Variants in EPB41L1 observed in about 807,000 individuals in gnomAD.
EPB41L1 encodes band 4.1-like protein 1.
In EPB41L1, 29 loss-of-function variants were observed where a neutral mutation model predicts 97.8. That is an observed-to-expected ratio of 0.30 (90% CI 0.22 to 0.40). The LOEUF is 0.40. EPB41L1 is among the 10% of genes least tolerant of loss of function. The pLI, the probability that EPB41L1 is intolerant of heterozygous loss-of-function variation, is 1.00. For missense variants in EPB41L1, 812 were observed against 1,162.3 expected, an observed-to-expected ratio of 0.70 and a Z score of 4.38; for synonymous variants, 383 against 459.2, an observed-to-expected ratio of 0.83 and a Z score of 2.12.
intron 2 of EPB41L1, among the ~76,000 whole-genome samples, chr20:36,124,669 T>G (rs1417154624): frequency 6.6e-6 from 1 of 152,246 alleles, no homozygotes; most frequent in African/African-American, 2.4e-5. Context: ...TTCATAATGC[T>G]TATCACAATT....
chr20:36,128,489 C>T (rs2059060965), intron 2 of EPB41L1, among the ~76,000 whole-genome samples: 1 of 152,150 alleles, frequency 6.6e-6, no homozygotes, highest in Non-Finnish European at 1.5e-5. Flanking sequence ...CCTCCAGGGA[C>T]CTCAAATGAG....
intron 21 of EPB41L1, among the ~76,000 whole-genome samples, chr20:36,227,708 TC>T (rs957897908): frequency 1.3e-5 from 2 of 152,234 alleles, no homozygotes; most frequent in African/African-American, 4.8e-5. Context: ...CTGCAAATCC[TC>T]CAGAAACATC....
At chr20:36,189,156 G>T (rs956386484) in intron 9 of EPB41L1, among the ~76,000 whole-genome samples, 1 of 152,046 alleles carries the variant, frequency 6.6e-6, no homozygotes. Flanking sequence ...GAACCCATTT[G>T]CTTCTCTTCC....
Position 36,222,414 on chromosome 20 carries a change from G to A in EPB41L1, c.2637+20G>A. On this transcript the variant is annotated intron_variant, in intron 21 of 21. Transcript: ENST00000338074. Reference sequence around the variant, plus strand: ...CCACAGGTAAGGCTCCTGAGGCCCAGCAACCATGAGAGAGAGGAGGGAGCA... The same window carrying A: ...CCACAGGTAAGGCTCCTGAGGCCCAACAACCATGAGAGAGAGGAGGGAGCA... The A allele has an allele frequency of 6.3e-7, 1 of 1,582,898 alleles. No individual in the cohort carries two copies. The highest frequency in any genetic ancestry group is 8.7e-7 in the Non-Finnish European group (1 of 1,152,360).
rs1322109329 is a variant in EPB41L1, at chr20:36,198,049, T to C, written c.1668+8T>C. On this transcript the variant is annotated splice_region_variant and intron_variant, in intron 14 of 21. Coordinates refer to ENST00000338074, the MANE Select transcript of EPB41L1 (RefSeq NM_012156.2). ...CCTGAGAAAGCCAATGAGGTAGGTG[T>C]CGCCCTGAACCCCTCGATAGGGGCC... 1.9e-6 allele frequency: 3 copies of C among 1,612,444 alleles called. No individual in the cohort carries two copies. Among genetic ancestry groups the C allele is most frequent in the Non-Finnish European group, 2.5e-6 (3 of 1,179,558 alleles).
chr20:36,171,191 C>T (rs939143727), intron 1 of EPB41L1, among the ~76,000 whole-genome samples: 12 of 150,932 alleles, frequency 8.0e-5, no homozygotes, highest in African/African-American at 2.9e-4. Context: ...AGGGTTCTTG[C>T]CTATAGGCCT....
At chr20:36,179,416 C>T (rs2061383333) in intron 5 of EPB41L1, among the ~76,000 whole-genome samples, 1 of 152,240 alleles carries the variant, frequency 6.6e-6, no homozygotes, top group African/African-American at 2.4e-5. Flanking sequence ...GGTCACAGAG[C>T]CAAATGTTGG....
chr20:36,175,561 T>C lies in EPB41L1; in HGVS notation c.188T>C (p.Met63Thr), dbSNP rs953602447. Reference protein sequence around the residue: ...DTRPAEQSLDMEEKDYSEADG... With the variant: ...DTRPAEQSLDTEEKDYSEADG... ...TGCTTGGTCCTGCAGAGCCTAGACA[T>C]GGAGGAGAAGGACTACAGTGAGGCC... Residue 63 changes from methionine (M) to threonine (T), a missense_variant, in exon 3 of 22, where the codon ATG becomes ACG. By Grantham distance (81) the Met-to-Thr change is moderately conservative. Around this residue, in one of 3 missense-constraint regions of EPB41L1, gnomAD observed 84 missense variants for 94.3 expected, o/e 0.89. Transcript: ENST00000338074. 56 of 1,614,016 alleles carry C rather than the reference T, an allele frequency of 3.5e-5. No individual in the cohort carries two copies. Among genetic ancestry groups the C allele is most frequent in the Non-Finnish European group, 4.4e-5 (52 of 1,180,034 alleles).
chr20:36,128,920 C>T (rs1021691041), intron 2 of EPB41L1, among the ~76,000 whole-genome samples: 2 of 152,116 alleles, frequency 1.3e-5, no homozygotes, highest in Non-Finnish European at 2.9e-5. Context: ...GGGGACCTTC[C>T]CTCCTTTGCT....
intron 1 of EPB41L1, among the ~76,000 whole-genome samples, chr20:36,106,619 T>C (rs1378766999): frequency 6.6e-6 from 1 of 152,370 alleles, no homozygotes; most frequent in South Asian, 2.1e-4. Flanking sequence ...AGTAGGGTTT[T>C]GTTGAATGAG....
chr20:36,185,459 C>T (rs1439052992), intron 7 of EPB41L1, 124 bp downstream of exon 7: 2 of 874,742 alleles, frequency 2.3e-6, no homozygotes, highest in Non-Finnish European at 3.7e-6. Context: ...CTGCCCCTAG[C>T]TTGAGGTATA....
intron 1 of EPB41L1, among the ~76,000 whole-genome samples, chr20:36,102,021 C>CAAAACAAAA (rs1715306241): frequency 6.7e-6 from 1 of 148,610 alleles, no homozygotes; most frequent in South Asian, 2.2e-4. Flanking sequence ...CAAAACAAAA[C>CAAAACAAAA]AAAACAAAAC....
intron 1 of EPB41L1, among the ~76,000 whole-genome samples, chr20:36,107,993 T>G (rs1278461672): frequency 6.6e-6 from 1 of 152,110 alleles, no homozygotes; most frequent in Non-Finnish European, 1.5e-5. Flanking sequence ...GTTTTAATTT[T>G]TTTTTTTAGA....
At chr20:36,169,654 T>G (rs1235043667) in intron 1 of EPB41L1, among the ~76,000 whole-genome samples, 1 of 152,242 alleles carries the variant, frequency 6.6e-6, no homozygotes, top group Non-Finnish European at 1.5e-5. Context: ...TTCCCATCTC[T>G]GGGCATTTGC....
At chr20:36,169,933 G>A (rs982124532) in intron 1 of EPB41L1, among the ~76,000 whole-genome samples, 9 of 152,140 alleles carry the variant, frequency 5.9e-5, no homozygotes, top group African/African-American at 1.9e-4. Flanking sequence ...GAACCAGCAC[G>A]TGCTTCCCTC....
intron 1 of EPB41L1, 60 bp from the exon 2 acceptor site, chr20:36,173,703 CT>C: frequency 6.6e-7 from 1 of 1,505,084 alleles, no homozygotes; most frequent in Non-Finnish European, 9.3e-7. Flanking sequence ...GTTCCTGCCC[CT>C]CTCGCTGTCA....
chr20:36,164,982 G>A (rs147036990), intron 1 of EPB41L1, among the ~76,000 whole-genome samples: 106 of 151,804 alleles, frequency 7.0e-4, no homozygotes, highest in Non-Finnish European at 4.4e-5. Flanking sequence ...CACTGCGCCT[G>A]GCTATTTATT....
chr20:36,175,532 C>A lies in EPB41L1; in HGVS notation c.178-19C>A, dbSNP rs777985190. 1.2e-6 allele frequency: 2 copies of A among 1,614,008 alleles called. No individual in the cohort carries two copies. The highest frequency in any genetic ancestry group is 4.5e-5 in the East Asian group (2 of 44,896). On this transcript the variant is annotated intron_variant, in intron 2 of 21. Coordinates refer to ENST00000338074, the MANE Select transcript of EPB41L1 (RefSeq NM_012156.2). Reference sequence around the variant, plus strand: ...CTTAAAACTCACTGAGCAAACTATTCCCTTGCTTGGTCCTGCAGAGCCTAG... The same window carrying A: ...CTTAAAACTCACTGAGCAAACTATTACCTTGCTTGGTCCTGCAGAGCCTAG...
chr20:36,117,129 C>T (rs771686507), intron 2 of EPB41L1, among the ~76,000 whole-genome samples: 29 of 152,144 alleles, frequency 1.9e-4, no homozygotes, highest in Non-Finnish European at 3.8e-4. Flanking sequence ...TCTTGCCCAC[C>T]AATTCCTCCT....
Sources: allele counts gnomAD v4.1 joint callset (sites outside exome capture counted in the v4.1 genomes callset), GRCh38; gene constraint gnomAD v4.1.1; regional missense constraint gnomAD v4.1.1; transcripts MANE v1.5; gene names NCBI Gene and HGNC (gene_info 2026-07-23, HGNC 2026-07-21).